MYLK: variants seen among roughly 807,000 people sequenced by gnomAD.
MYLK encodes the protein myosin light chain kinase, also known as myosin light chain kinase, smooth muscle.
MYLK carries 106 observed loss-of-function variants against 203.4 expected under a neutral mutation model. The ratio of observed to expected loss-of-function variants is 0.52; its 90% CI spans 0.45 to 0.61. The LOEUF is 0.61. Among genes scored for constraint, MYLK ranks in the 20% least tolerant of loss-of-function variants. The pLI is 0.00. For missense variants in MYLK, 2,072 were observed against 2,442.3 expected, an observed-to-expected ratio of 0.85 and a Z score of 3.20; for synonymous variants, 867 against 959.5, an observed-to-expected ratio of 0.90 and a Z score of 1.78.
At chr3:123,814,734 G>A (rs2065684515) in intron 3 of MYLK, among the ~76,000 whole-genome samples, 1 of 152,072 alleles carries the variant, frequency 6.6e-6, no homozygotes, top group Non-Finnish European at 1.5e-5. Flanking sequence ...TACTATTTAG[G>A]TTGCTTCCAA....
rs929554115 is a variant in MYLK at position 123,657,319 on chromosome 3, G to C, written c.4095C>G (p.Ser1365=). The C allele has an allele frequency of 2.5e-6, 4 of 1,613,914 alleles. No homozygotes were observed. In the Admixed American group the frequency reaches 6.7e-5, roughly 27 times the overall value. Residue 1365 remains serine, a synonymous_variant, in exon 24 of 34, where the codon TCC becomes TCG. Transcript: ENST00000360304. The part of the protein sequence containing the change: ...SSYDGGSAVQ[S]YSIEIWDSAN... ...CTGAGTCCCAGATCTCGATGCTGTA[G>C]GACTGTACAGCACTGCCCCCATCAT...
rs55788127 is a variant in MYLK at position 123,666,616 on chromosome 3, A to T, written c.3704-270T>A. Among the ~76,000 whole-genome samples, 5,033 of 152,256 alleles carry T rather than the reference A, an allele frequency of 0.033. 393 individuals carry two copies. In the East Asian group the frequency reaches 0.34, roughly 10 times the overall value. ...TTTATGGGTTGTACTGGAATTTGTGACTTACCCTAATTTTTTGAATTGAGG... is the reference window on the plus strand; with the variant it reads ...TTTATGGGTTGTACTGGAATTTGTGTCTTACCCTAATTTTTTGAATTGAGG... On this transcript the variant is annotated intron_variant, in intron 21 of 33. Coordinates refer to ENST00000360304, the MANE Select transcript of MYLK (RefSeq NM_053025.4).
In MYLK at chr3:123,777,123, G is replaced by A. The variant is rs540203955; in HGVS notation, c.165+16554C>T. Among the ~76,000 whole-genome samples, 258 of 152,370 alleles carry A rather than the reference G, an allele frequency of 1.7e-3. 2 individuals are homozygous for A. Among genetic ancestry groups the A allele is most frequent in the Non-Finnish European group, 3.0e-3 (201 of 68,038 alleles). On this transcript the variant is annotated intron_variant, in intron 4 of 33. Coordinates refer to ENST00000360304, the MANE Select transcript of MYLK (RefSeq NM_053025.4). Reference sequence around the variant, plus strand: ...AAAGTAAGCCATTTAGAGTGGTGCTGTGGACAGATCAGTGATCCTGACTGT... The same window carrying A: ...AAAGTAAGCCATTTAGAGTGGTGCTATGGACAGATCAGTGATCCTGACTGT...
At chr3:123,875,683 AAG>A (rs2033106579) in intron 2 of MYLK, among the ~76,000 whole-genome samples, 2 of 152,208 alleles carry the variant, frequency 1.3e-5, no homozygotes, top group African/African-American at 4.8e-5. Context: ...GAGAAAGAAA[AAG>A]AGTCTTCAAA....
chr3:123,831,232 A>G (rs2066315135), intron 3 of MYLK, among the ~76,000 whole-genome samples: 1 of 152,236 alleles, frequency 6.6e-6, no homozygotes, highest in Non-Finnish European at 1.5e-5. Flanking sequence ...CACAGCGTGC[A>G]GTGTGAACAG....
intron 23 of MYLK, chr3:123,659,758 CTGGGAGGG>C: frequency 2.0e-6 from 1 of 507,166 alleles, no homozygotes; most frequent in South Asian, 1.4e-5. Context: ...CACACTCAGA[CTGGGAGGG>C]AGACCCTGGG....
At chr3:123,847,219 G>A (rs2030129863) in intron 2 of MYLK, among the ~76,000 whole-genome samples, 1 of 152,020 alleles carries the variant, frequency 6.6e-6, no homozygotes, top group Non-Finnish European at 1.5e-5. Context: ...TAGACTATAT[G>A]CAAATACTAT....
intron 29 of MYLK, among the ~76,000 whole-genome samples, chr3:123,631,383 C>T (rs183775737): frequency 2.0e-3 from 267 of 136,638 alleles, no homozygotes; most frequent in Admixed American, 3.8e-3. Flanking sequence ...GGGCAACAAG[C>T]GAAACTCAAT....
intron 3 of MYLK, among the ~76,000 whole-genome samples, chr3:123,816,689 G>A (rs2065761095): frequency 6.6e-6 from 1 of 152,222 alleles, no homozygotes; most frequent in South Asian, 2.1e-4. Flanking sequence ...ATAGAAATAT[G>A]GCACAATGCC....
chr3:123,666,844 G>A, intron 21 of MYLK: 2 of 584,488 alleles, frequency 3.4e-6, no homozygotes, highest in Non-Finnish European at 6.1e-6. Context: ...GGACAGCAGG[G>A]CAGAATTCGT....
At chr3:123,732,168 G>T (rs900748298) in intron 11 of MYLK, among the ~76,000 whole-genome samples, 22 of 152,246 alleles carry the variant, frequency 1.4e-4, no homozygotes, top group Admixed American at 1.3e-4. Context: ...GAGTAAGGGG[G>T]AAATTTTATA....
At chr3:123,637,123 T>C (rs141359466) in intron 29 of MYLK, among the ~76,000 whole-genome samples, 88 of 152,306 alleles carry the variant, frequency 5.8e-4, no homozygotes, top group Middle Eastern at 3.4e-3. Flanking sequence ...CCTTTTGTTC[T>C]GACAGTAAAA....
chr3:123,790,496 G>C (rs1387679771), intron 4 of MYLK, among the ~76,000 whole-genome samples: 1 of 152,144 alleles, frequency 6.6e-6, no homozygotes, highest in African/African-American at 2.4e-5. Flanking sequence ...CTCGTCGTTT[G>C]GAGCTCCTTG....
chr3:123,883,058 G>A (rs182947554), intron 1 of MYLK, among the ~76,000 whole-genome samples: 4 of 152,202 alleles, frequency 2.6e-5, no homozygotes, highest in African/African-American at 9.6e-5. Flanking sequence ...TGTGGGCGGG[G>A]TTCCCCAAAT....
chr3:123,725,235 C>T (rs2062237851), intron 12 of MYLK, among the ~76,000 whole-genome samples: 1 of 152,198 alleles, frequency 6.6e-6, no homozygotes, highest in African/African-American at 2.4e-5. Flanking sequence ...GGGGCTCTTT[C>T]ACCCTCCCTG....
intron 11 of MYLK, among the ~76,000 whole-genome samples, chr3:123,728,493 C>G (rs149007348): frequency 6.6e-6 from 1 of 151,934 alleles, no homozygotes; most frequent in Non-Finnish European, 1.5e-5. Flanking sequence ...GGTGACAGAG[C>G]GAGACTCTGT....
At chr3:123,766,600 G>C (rs959485759) in intron 4 of MYLK, among the ~76,000 whole-genome samples, 10 of 152,180 alleles carry the variant, frequency 6.6e-5, no homozygotes, top group African/African-American at 2.4e-4. Flanking sequence ...CACTAGAAGC[G>C]AGATAGCTCC....
At chr3:123,704,353 C>G (rs2061367600) in intron 16 of MYLK, among the ~76,000 whole-genome samples, 1 of 152,200 alleles carries the variant, frequency 6.6e-6, no homozygotes, top group Non-Finnish European at 1.5e-5. Flanking sequence ...GGAACAGGGT[C>G]TTGGGGCCAT....
intron 18 of MYLK, 122 bp downstream of exon 18, chr3:123,699,898 C>T: frequency 7.3e-7 from 1 of 1,370,492 alleles, no homozygotes; most frequent in Non-Finnish European, 1.0e-6. Context: ...CTCCTACCTG[C>T]TAAACCAGGT....
Sources: allele counts gnomAD v4.1 joint callset (sites outside exome capture counted in the v4.1 genomes callset), GRCh38; gene constraint gnomAD v4.1.1; transcripts MANE v1.5; gene names NCBI Gene and HGNC (gene_info 2026-07-23, HGNC 2026-07-21).